ITFG1: variants seen among roughly 807,000 people sequenced by gnomAD.
ITFG1 encodes T-cell immunomodulatory protein.
A neutral mutation model predicts 81.8 loss-of-function variants in ITFG1; 34 were observed. The observed-to-expected ratio is 0.42, with a 90% CI of 0.32 to 0.55. The LOEUF (loss-of-function observed/expected upper bound fraction) is 0.55, where lower values mean the gene tolerates loss of function less well. ITFG1 is among the 20% of genes least tolerant of loss of function. ITFG1 has a pLI of 0.17. For missense variants in ITFG1, 672 were observed against 755.4 expected, an observed-to-expected ratio of 0.89 and a Z score of 1.29; for synonymous variants, 285 against 270.6, an observed-to-expected ratio of 1.05 and a Z score of -0.52.
chr16:47,396,356 A>AG (rs1301876689), intron 6 of ITFG1: 1 of 153,226 alleles, frequency 6.5e-6, no homozygotes, highest in Non-Finnish European at 1.5e-5. Context: ...GGAGCAAGAC[A>AG]GAACACCGGC....
intron 8 of ITFG1, among the ~76,000 whole-genome samples, chr16:47,351,167 C>T (rs1967948025): frequency 6.6e-6 from 1 of 152,170 alleles, no homozygotes; most frequent in African/African-American, 2.4e-5. Context: ...GGGATGCCCT[C>T]TCTCACCACT....
At chr16:47,328,067 A>G (rs1967581037) in intron 8 of ITFG1, among the ~76,000 whole-genome samples, 1 of 152,212 alleles carries the variant, frequency 6.6e-6, no homozygotes, top group African/African-American at 2.4e-5. Flanking sequence ...ACTTGGAACC[A>G]ACCCAAATGT....
At chr16:47,411,983 A>G (rs1010990744) in intron 6 of ITFG1, among the ~76,000 whole-genome samples, 1 of 152,200 alleles carries the variant, frequency 6.6e-6, no homozygotes, top group African/African-American at 2.4e-5. Flanking sequence ...CAATGCAGAA[A>G]TCTAGCCACA....
At chr16:47,266,527 T>C (rs886349857) in intron 10 of ITFG1, among the ~76,000 whole-genome samples, 1 of 152,216 alleles carries the variant, frequency 6.6e-6, no homozygotes, top group Non-Finnish European at 1.5e-5. Flanking sequence ...CAGACAGCTA[T>C]AATTTTTAGA....
At chr16:47,458,780 A>G (rs940269912) in intron 2 of ITFG1, among the ~76,000 whole-genome samples, 2 of 152,114 alleles carry the variant, frequency 1.3e-5, no homozygotes, top group Non-Finnish European at 2.9e-5. Context: ...CAATGAGACT[A>G]CTGTGAGTGA....
intron 14 of ITFG1, among the ~76,000 whole-genome samples, chr16:47,217,803 T>C (rs971036769): frequency 7.9e-5 from 12 of 152,028 alleles, no homozygotes; most frequent in Admixed American, 6.5e-5. Context: ...CGGGCACCTG[T>C]GGTCCCAGCT....
At chr16:47,351,316 C>T (rs776083283) in intron 8 of ITFG1, among the ~76,000 whole-genome samples, 15 of 152,182 alleles carry the variant, frequency 9.9e-5, no homozygotes, top group Non-Finnish European at 1.8e-4. Flanking sequence ...AAAACCCCAT[C>T]GTCTCAGCCT....
chr16:47,336,801 A>G (rs1480905035), intron 8 of ITFG1, among the ~76,000 whole-genome samples: 16 of 151,844 alleles, frequency 1.1e-4, no homozygotes, highest in Non-Finnish European at 2.4e-4. Flanking sequence ...TGTCTCTACT[A>G]AAAATATAAA....
At chr16:47,354,913 A>G (rs1032842463) in intron 8 of ITFG1, among the ~76,000 whole-genome samples, 3 of 152,128 alleles carry the variant, frequency 2.0e-5, no homozygotes, top group Non-Finnish European at 2.9e-5. Flanking sequence ...AGAAGTGGAG[A>G]ACAGGGAACC....
chr16:47,238,978 C>T (rs1243881509), intron 12 of ITFG1, among the ~76,000 whole-genome samples: 1 of 152,088 alleles, frequency 6.6e-6, no homozygotes, highest in African/African-American at 2.4e-5. Flanking sequence ...CAGTAAGTCA[C>T]GATGGCTCCA....
chr16:47,376,300 A>G (rs1280666285), intron 6 of ITFG1, among the ~76,000 whole-genome samples: 2 of 152,170 alleles, frequency 1.3e-5, no homozygotes, highest in Non-Finnish European at 2.9e-5. Context: ...TCTCACCCTG[A>G]AAGCAAGCAA....
chr16:47,331,212 G>A (rs1967632628), intron 8 of ITFG1, among the ~76,000 whole-genome samples: 1 of 152,118 alleles, frequency 6.6e-6, no homozygotes, highest in African/African-American at 2.4e-5. Flanking sequence ...AATTAACACA[G>A]AAACAGAAAG....
intron 8 of ITFG1, among the ~76,000 whole-genome samples, chr16:47,362,432 A>T (rs1350136284): frequency 6.6e-6 from 1 of 152,256 alleles, no homozygotes; most frequent in East Asian, 1.9e-4. Flanking sequence ...TAAAAAAGGT[A>T]TTAACAAAGA....
At chr16:47,198,019 T>C (rs910581669) in intron 14 of ITFG1, among the ~76,000 whole-genome samples, 13 of 152,230 alleles carry the variant, frequency 8.5e-5, no homozygotes, top group South Asian at 2.1e-4. Context: ...GAGATTACAT[T>C]GTGGTAGGTA....
At chr16:47,416,218 TAAAATA>T (rs1328988379) in intron 6 of ITFG1, among the ~76,000 whole-genome samples, 1 of 150,922 alleles carries the variant, frequency 6.6e-6, no homozygotes, top group Non-Finnish European at 1.5e-5. Flanking sequence ...GCAATAAAAA[TAAAATA>T]AAAATTTAAA....
At chr16:47,448,012 G>A (rs1187231210) in intron 5 of ITFG1, 3 of 152,124 alleles carry the variant, frequency 2.0e-5, no homozygotes, top group African/African-American at 7.2e-5. Flanking sequence ...GGTGCTGCCA[G>A]GGGAATCTGA....
chr16:47,290,931 C>T (rs1596864830), intron 10 of ITFG1, among the ~76,000 whole-genome samples: 3 of 152,064 alleles, frequency 2.0e-5, no homozygotes, highest in Non-Finnish European at 4.4e-5. Context: ...TTTTTTGCAG[C>T]GACAAGGTTT....
intron 14 of ITFG1, among the ~76,000 whole-genome samples, chr16:47,185,684 A>G (rs1405247491): frequency 6.6e-6 from 1 of 152,230 alleles, no homozygotes; most frequent in Non-Finnish European, 1.5e-5. Flanking sequence ...ACACCCTAAC[A>G]TCACAATTAA....
rs567704405 is a variant in ITFG1, at chr16:47,180,795, C to T, written c.1454-18131G>A. ...AAGTGCCGAGATTGCAGCCTCTGCC[C>T]GGCCGCCACCCCGTCTGGGAAGTGA... is the stretch of plus-strand genomic sequence containing the variant. On this transcript the variant is annotated intron_variant, in intron 14 of 17. Transcript: ENST00000320640. Among the ~76,000 whole-genome samples, 874 of 152,202 alleles carry T rather than the reference C, an allele frequency of 5.7e-3. 7 individuals are homozygous for T. The highest frequency in any genetic ancestry group is 0.02 in the African/African-American group (832 of 41,506).
Sources: gnomAD v4.1 joint callset for allele counts (sites outside exome capture counted in the v4.1 genomes callset) on GRCh38, gnomAD v4.1.1 for gene constraint, MANE v1.5 for transcripts, NCBI Gene and HGNC (gene_info 2026-07-23, HGNC 2026-07-21) for gene names.